Variants in TNFAIP8L3 observed in about 807,000 individuals in gnomAD.
The protein encoded by TNFAIP8L3 is tumor necrosis factor alpha-induced protein 8-like protein 3.
TNFAIP8L3 carries 7 observed loss-of-function variants against 11.8 expected under a neutral mutation model. The observed-to-expected ratio is 0.59, with a 90% confidence interval of 0.34 to 1.11. TNFAIP8L3 has a LOEUF of 1.11. TNFAIP8L3 is among the 50% of genes most tolerant of loss of function. TNFAIP8L3 has a pLI of 0.03. For synonymous variants in TNFAIP8L3, 98 were observed against 103.8 expected (o/e 0.94, Z 0.34); for missense variants, 219 against 258.6 (o/e 0.85, Z 1.05).
At position 51,056,849 on chromosome 15, in the gene TNFAIP8L3, C is replaced by G. The variant is rs1043208246; in HGVS notation, c.*1032G>C. On this transcript the variant is annotated 3_prime_UTR_variant, in exon 2 of 2. Coordinates refer to ENST00000637513, the MANE Select transcript of TNFAIP8L3 (RefSeq NM_001311175.2). The stretch of plus-strand genomic sequence containing the variant: ...CCCCCCCATGGAAAGTTTCCCTCTG[C>G]AGGATCATCAACCTGAACATCTAAG... 6.6e-6 allele frequency: 1 copy of G among 152,000 alleles called. No homozygotes were observed. Among genetic ancestry groups the G allele is most frequent in the African/African-American group, 2.4e-5 (1 of 41,362 alleles). 9.4% of individuals were successfully genotyped at this position (152,000 alleles called of 1,614,324 possible). A position where few individuals can be genotyped will look rare whatever the true frequency, so the allele number is the denominator to read the frequency against.
At chr15:51,078,727 G>T (rs140841948) in intron 1 of TNFAIP8L3, among the ~76,000 whole-genome samples, 20 of 151,836 alleles carry the variant, frequency 1.3e-4, no homozygotes, top group Admixed American at 1.3e-4. Flanking sequence ...TGTATGATAC[G>T]TGACTCTGCC....
At chr15:51,091,623 G>A (rs926277639) in intron 1 of TNFAIP8L3, among the ~76,000 whole-genome samples, 2 of 151,012 alleles carry the variant, frequency 1.3e-5, no homozygotes, top group East Asian at 3.9e-4. Context: ...TTCATGCCTT[G>A]TGCTGGAAGA....
Position 51,103,986 on chromosome 15 carries a change from C to T in TNFAIP8L3, c.172+1019G>A, listed in dbSNP as rs567777259. 3.6e-4 allele frequency among the ~76,000 whole-genome samples: 55 copies of T among 152,274 alleles called. 1 individual carries two copies. Among genetic ancestry groups the T allele is most frequent in the African/African-American group, 1.3e-3 (54 of 41,560 alleles). ...CAGGAATCACTTCCCAACGTGCTCT[C>T]CTCCGCTAGTGCAGAGTGGAGGGTG... On this transcript the variant is annotated intron_variant, in intron 1 of 2. Transcript: ENST00000327536.
chr15:51,079,855 C>CAAAAAAAA (rs10602536), intron 1 of TNFAIP8L3, among the ~76,000 whole-genome samples: 68 of 77,390 alleles, frequency 8.8e-4, no homozygotes, highest in South Asian at 1.1e-3. Context: ...GACTTTGTCT[C>CAAAAAAAA]AAAAAAAAAA....
At chr15:51,083,533 C>T (rs1236934885) in intron 1 of TNFAIP8L3, among the ~76,000 whole-genome samples, 1 of 152,212 alleles carries the variant, frequency 6.6e-6, no homozygotes, top group Non-Finnish European at 1.5e-5. Flanking sequence ...GGACCCCCTG[C>T]CAGCCAGCGA....
At chr15:51,077,411 C>T (rs1455373422) in intron 1 of TNFAIP8L3, among the ~76,000 whole-genome samples, 1 of 152,220 alleles carries the variant, frequency 6.6e-6, no homozygotes, top group Non-Finnish European at 1.5e-5. Context: ...CCCCGCCTGT[C>T]TCCCCAGCCT....
chr15:51,101,427 G>A (rs2065549599), intron 1 of TNFAIP8L3, among the ~76,000 whole-genome samples: 2 of 152,024 alleles, frequency 1.3e-5, no homozygotes, highest in South Asian at 4.1e-4. Context: ...TTCGAGACCA[G>A]CCTGATCAAC....
chr15:51,080,045 C>T (rs2065380906), intron 1 of TNFAIP8L3, among the ~76,000 whole-genome samples: 1 of 152,150 alleles, frequency 6.6e-6, no homozygotes, highest in Admixed American at 6.5e-5. Context: ...CATGCTTACA[C>T]TGTTAATTCT....
chr15:51,073,700 C>A (rs2065329342), intron 1 of TNFAIP8L3, among the ~76,000 whole-genome samples: 1 of 152,206 alleles, frequency 6.6e-6, no homozygotes, highest in Non-Finnish European at 1.5e-5. Flanking sequence ...TAGAAAACAT[C>A]CAGCACAGTG....
chr15:51,083,836 G>A (rs532967256), intron 1 of TNFAIP8L3, among the ~76,000 whole-genome samples: 1 of 152,380 alleles, frequency 6.6e-6, no homozygotes, highest in African/African-American at 2.4e-5. Context: ...GGCGGAGCCA[G>A]TGAGGGGGGC....
At chr15:51,073,595 G>A (rs1316940717) in intron 1 of TNFAIP8L3, among the ~76,000 whole-genome samples, 1 of 152,146 alleles carries the variant, frequency 6.6e-6, no homozygotes, top group Admixed American at 6.5e-5. Context: ...AATTTATATA[G>A]CATCTCTTGG....
upstream of TNFAIP8L3, among the ~76,000 whole-genome samples, chr15:51,098,540 G>A (rs558865046): frequency 1.3e-5 from 2 of 152,342 alleles, no homozygotes; most frequent in African/African-American, 4.8e-5. Context: ...AGAACATGGT[G>A]CTAGAAGACA....
At chr15:51,079,533 A>G (rs578166988) in intron 1 of TNFAIP8L3, among the ~76,000 whole-genome samples, 1 of 152,366 alleles carries the variant, frequency 6.6e-6, no homozygotes, top group East Asian at 1.9e-4. Context: ...CATGTCAGGA[A>G]CAATAATGAT....
chr15:51,082,675 C>G (rs921374940), intron 1 of TNFAIP8L3, among the ~76,000 whole-genome samples: 2 of 152,112 alleles, frequency 1.3e-5, no homozygotes, highest in South Asian at 4.1e-4. Flanking sequence ...CATTGTATAG[C>G]TGTACAAAAA....
intron 1 of TNFAIP8L3, among the ~76,000 whole-genome samples, chr15:51,075,703 G>C (rs1276185921): frequency 6.6e-6 from 1 of 152,206 alleles, no homozygotes; most frequent in Non-Finnish European, 1.5e-5. Context: ...GTCAGTCTTT[G>C]GAATGCTGTA....
chr15:51,094,542 AC>A lies in TNFAIP8L3; in HGVS notation c.52+1del. ...GCCTGGGCCGTCGCGGCCCCTAGGT[AC>A]CTGCGGCGGTCACGGGCTCGCCCTC... On this transcript the variant is annotated splice_donor_variant, in intron 1 of 1. Coordinates refer to ENST00000637513, the MANE Select transcript of TNFAIP8L3 (RefSeq NM_001311175.2). LOFTEE classifies it high-confidence loss of function. This position sits in a 1 kb window ranked among gnomAD's most constrained non-coding sequence, Gnocchi z 4.4. The A allele has an allele frequency of 1.1e-5, 16 of 1,499,656 alleles. No homozygotes were observed. Among genetic ancestry groups the A allele is most frequent in the Non-Finnish European group, 1.4e-5 (16 of 1,128,888 alleles). 92.9% of individuals were successfully genotyped at this position (1,499,656 alleles called of 1,614,324 possible). A position where few individuals can be genotyped will look rare whatever the true frequency, so the allele number is the denominator to read the frequency against.
chr15:51,058,276 C>T lies in TNFAIP8L3; in HGVS notation c.220G>A (p.Ala74Thr). Reference sequence around the variant, plus strand: ...ATTAAGTCTTTCATGATCTTGTGGGCTTCCTTCTTGTTGTGTGTGTGCTCT... The same window carrying T: ...ATTAAGTCTTTCATGATCTTGTGGGTTTCCTTCTTGTTGTGTGTGTGCTCT... ...TKEHTHNKKE[A>T]HKIMKDLIKV... Residue 74 changes from alanine to threonine, a missense_variant, in exon 2 of 2, where the codon GCC becomes ACC. By Grantham distance (58) the Ala-to-Thr change is moderately conservative. Coordinates refer to ENST00000637513, the MANE Select transcript of TNFAIP8L3 (RefSeq NM_001311175.2). 6.2e-7 allele frequency: 1 copy of T among 1,614,148 alleles called. No homozygotes were observed. Among genetic ancestry groups the T allele is most frequent in the Non-Finnish European group, 8.5e-7 (1 of 1,180,016 alleles).
At chr15:51,096,316 C>A (rs1297745101), upstream of TNFAIP8L3, among the ~76,000 whole-genome samples, 2 of 152,164 alleles carry the variant, frequency 1.3e-5, no homozygotes, top group Admixed American at 6.5e-5. Flanking sequence ...AGCTCATGGA[C>A]TCTAGTGATA....
At chr15:51,087,680 T>C (rs2065439396) in intron 1 of TNFAIP8L3, among the ~76,000 whole-genome samples, 1 of 151,992 alleles carries the variant, frequency 6.6e-6, no homozygotes, top group Non-Finnish European at 1.5e-5. Flanking sequence ...AGTTACAAAA[T>C]ACTGGTTTCT....
Sources: gnomAD v4.1 joint callset for allele counts (sites outside exome capture counted in the v4.1 genomes callset) on GRCh38, gnomAD v4.1.1 for gene constraint, Gnocchi (gnomAD v3.1) non-coding constraint, MANE v1.5 for transcripts, NCBI Gene and HGNC (gene_info 2026-07-23, HGNC 2026-07-21) for gene names.